The following ADAMTS19 variants were observed in gnomAD, a reference collection of about 807,000 sequenced individuals.
The protein encoded by ADAMTS19 is ADAM metallopeptidase with thrombospondin type 1 motif 19.
In ADAMTS19, 93 loss-of-function variants were observed where a neutral mutation model predicts 153.3. That is an observed-to-expected ratio of 0.61 (90% CI 0.51 to 0.72). The LOEUF (loss-of-function observed/expected upper bound fraction) is 0.72, where lower values mean the gene tolerates loss of function less well. Among genes scored for constraint, ADAMTS19 ranks in the 30% least tolerant of loss-of-function variants. The pLI is 0.00. For missense variants in ADAMTS19, 1,482 were observed against 1,552.1 expected (o/e 0.95, Z 0.76); for synonymous variants, 600 against 556.6 (o/e 1.08, Z -1.10).
At chr5:129,598,468 A>G (rs1036658594) in intron 8 of ADAMTS19, among the ~76,000 whole-genome samples, 2 of 152,230 alleles carry the variant, frequency 1.3e-5, no homozygotes, top group Non-Finnish European at 2.9e-5. Flanking sequence ...AGTAAACACA[A>G]GTGATCAAAT....
rs184014077 is a variant in ADAMTS19 at position 129,680,693 on chromosome 5, C to T, written c.2664+772C>T. On this transcript the variant is annotated intron_variant, in intron 17 of 22. Coordinates refer to ENST00000274487, the MANE Select transcript of ADAMTS19 (RefSeq NM_133638.6). ...AGGAGAATTGCTTGAACCCAAGAGGCGGAGGTTGCAGTGAGCAGAGATCAA... is the reference window on the plus strand; with the variant it reads ...AGGAGAATTGCTTGAACCCAAGAGGTGGAGGTTGCAGTGAGCAGAGATCAA... Among the ~76,000 whole-genome samples, 20 of 148,044 alleles carry T rather than the reference C, an allele frequency of 1.4e-4. No homozygotes were observed. In the East Asian group the frequency reaches 3.1e-3, roughly 23 times the overall value.
intron 3 of ADAMTS19, among the ~76,000 whole-genome samples, chr5:129,513,847 G>T (rs1164771897): frequency 1.3e-5 from 2 of 151,920 alleles, no homozygotes; most frequent in Non-Finnish European, 2.9e-5. Context: ...ATTGACTATA[G>T]TTAACCTATT....
At position 129,679,851 on chromosome 5, in the gene ADAMTS19, A is replaced by G. The variant is rs1177400225; in HGVS notation, c.2594A>G (p.His865Arg). ...TTCAATTTGGCTGGAACTACCGTTC[A>G]TTATGTAAGACGAGGCCTCTGGGAG... Reference protein sequence around the residue: ...GAFNLAGTTVHYVRRGLWEKI... With the variant: ...GAFNLAGTTVRYVRRGLWEKI... Residue 865 changes from histidine to arginine, a missense_variant, in exon 17 of 23, where the codon CAT becomes CGT. By Grantham distance (29) the His-to-Arg change is conservative (BLOSUM62 0). Around this residue, in one of 2 missense-constraint regions of ADAMTS19, gnomAD observed 616 missense variants for 724.4 expected, o/e 0.85. Transcript: ENST00000274487. The G allele has an allele frequency of 6.2e-7, 1 of 1,613,942 alleles. No homozygotes were observed. The highest frequency in any genetic ancestry group is 8.5e-7 in the Non-Finnish European group (1 of 1,179,990).
At chr5:129,558,203 C>CA (rs958477269) in intron 7 of ADAMTS19, among the ~76,000 whole-genome samples, 21 of 152,082 alleles carry the variant, frequency 1.4e-4, no homozygotes, top group African/African-American at 5.1e-4. Flanking sequence ...CTGCTACCAC[C>CA]ACTTCTATTC....
intron 10 of ADAMTS19, among the ~76,000 whole-genome samples, chr5:129,623,609 T>G (rs1751885635): frequency 6.6e-6 from 1 of 152,184 alleles, no homozygotes; most frequent in Non-Finnish European, 1.5e-5. Flanking sequence ...TCTCTTTGGT[T>G]TGTGGTTCTT....
rs182349609 is a variant in ADAMTS19, at chr5:129,515,343, G to A, written c.913+6101G>A. 3.3e-5 allele frequency among the ~76,000 whole-genome samples: 5 copies of A among 151,640 alleles called. No individual in the cohort carries two copies. In the East Asian group the frequency reaches 5.8e-4, roughly 18 times the overall value. ...TAATTCTGTGAAGAATGTCATTGGT[G>A]TTTTGATAGGGATTGTATTGAATCT... On this transcript the variant is annotated intron_variant, in intron 3 of 22. Transcript: ENST00000274487.
intron 2 of ADAMTS19, among the ~76,000 whole-genome samples, chr5:129,504,805 C>G (rs553135392): frequency 6.6e-6 from 1 of 151,640 alleles, no homozygotes; most frequent in South Asian, 2.1e-4. Context: ...TCACATTCAT[C>G]CATGTTGTCA....
At chr5:129,534,246 C>T (rs1238387970) in intron 6 of ADAMTS19, among the ~76,000 whole-genome samples, 1 of 152,012 alleles carries the variant, frequency 6.6e-6, no homozygotes, top group Non-Finnish European at 1.5e-5. Flanking sequence ...CTTTGTAGGT[C>T]ACTAAGGACG....
intron 2 of ADAMTS19, among the ~76,000 whole-genome samples, chr5:129,487,536 T>A (rs1272155177): frequency 6.6e-6 from 1 of 152,100 alleles, no homozygotes; most frequent in Non-Finnish European, 1.5e-5. Flanking sequence ...CTTACCACTT[T>A]GTATAATATA....
chr5:129,500,164 G>A (rs1247424265), intron 2 of ADAMTS19, among the ~76,000 whole-genome samples: 7 of 152,010 alleles, frequency 4.6e-5, no homozygotes, highest in African/African-American at 1.2e-4. Context: ...CATGCCCTCC[G>A]CATTCAGGCT....
At position 129,620,682 on chromosome 5, in the gene ADAMTS19, G is replaced by A. The variant is rs1751739359; in HGVS notation, c.1543G>A (p.Glu515Lys). The change falls in exon 9 of 23, where the codon GAA (glutamate) becomes AAA (lysine). Residue 515 changes from glutamate to lysine, a missense_variant. Glu to Lys is a moderately conservative substitution (Grantham distance 56). Around this residue, in one of 2 missense-constraint regions of ADAMTS19, gnomAD observed 866 missense variants for 827.7 expected, o/e 1.05. Coordinates refer to ENST00000274487, the MANE Select transcript of ADAMTS19 (RefSeq NM_133638.6). ...CADGLHIMSGEWIKGQNLGDV... is the reference protein window; with the variant it reads ...CADGLHIMSGKWIKGQNLGDV... ...TGATGGTCTTCATATCATGTCTGGT[G>A]AATGGATTAAAGGACAGAATCTTGG... 6.2e-7 allele frequency: 1 copy of A among 1,613,038 alleles called. No homozygotes were observed. The highest frequency in any genetic ancestry group is 2.2e-5 in the East Asian group (1 of 44,848).
Position 129,637,299 on chromosome 5 carries a change from A to G in ADAMTS19, c.1771-4560A>G, listed in dbSNP as rs140720655. On this transcript the variant is annotated intron_variant, in intron 10 of 22. Transcript: ENST00000274487. ...AGATTTTAAGTTATTAATGTGCCGA[A>G]GTATATTAATTAAATTCCTAATATC... 2.0e-5 allele frequency among the ~76,000 whole-genome samples: 3 copies of G among 152,322 alleles called. No homozygotes were observed. In the East Asian group the frequency reaches 5.8e-4, roughly 29 times the overall value.
chr5:129,653,151 G>A (rs1181034514), intron 13 of ADAMTS19, among the ~76,000 whole-genome samples: 2 of 152,020 alleles, frequency 1.3e-5, no homozygotes, highest in African/African-American at 4.8e-5. Flanking sequence ...GCTGTTATTT[G>A]GTATTTATAG....
chr5:129,530,292 A>C (rs965156407), intron 6 of ADAMTS19, among the ~76,000 whole-genome samples: 3 of 152,184 alleles, frequency 2.0e-5, no homozygotes, highest in Admixed American at 6.5e-5. Flanking sequence ...TGTTGTTGTA[A>C]TTGGAGTCTC....
At chr5:129,667,139 C>T (rs1042349309) in intron 16 of ADAMTS19, among the ~76,000 whole-genome samples, 2 of 152,094 alleles carry the variant, frequency 1.3e-5, no homozygotes, top group African/African-American at 2.4e-5. Flanking sequence ...GACCTGTAAG[C>T]AGCATTTAAA....
At chr5:129,611,859 C>G (rs1005546974) in intron 8 of ADAMTS19, among the ~76,000 whole-genome samples, 13 of 152,014 alleles carry the variant, frequency 8.6e-5, no homozygotes, top group African/African-American at 3.1e-4. Flanking sequence ...TCGGGTTACC[C>G]ACAAAGGGAA....
At chr5:129,602,793 G>A (rs774941984) in intron 8 of ADAMTS19, among the ~76,000 whole-genome samples, 61 of 150,512 alleles carry the variant, frequency 4.1e-4, no homozygotes, top group Admixed American at 1.2e-3. Flanking sequence ...TAAAATTAGG[G>A]AAACACATTT....
intron 7 of ADAMTS19, among the ~76,000 whole-genome samples, chr5:129,586,721 A>G (rs573487842): frequency 6.6e-6 from 1 of 152,276 alleles, no homozygotes; most frequent in South Asian, 2.1e-4. Flanking sequence ...TTTATAAGCA[A>G]TTGCCAAACT....
chr5:129,474,544 C>A (rs1164649091), intron 2 of ADAMTS19, among the ~76,000 whole-genome samples: 2 of 152,036 alleles, frequency 1.3e-5, no homozygotes, highest in African/African-American at 4.8e-5. Flanking sequence ...TCCAGTTTCT[C>A]AACATCCTCA....
Sources: gnomAD v4.1 joint callset for allele counts (sites outside exome capture counted in the v4.1 genomes callset) on GRCh38, gnomAD v4.1.1 for gene constraint, gnomAD v4.1.1 regional missense constraint, MANE v1.5 for transcripts, NCBI Gene and HGNC (gene_info 2026-07-23, HGNC 2026-07-21) for gene names.